The following COG5 variants were observed in gnomAD, a reference collection of about 807,000 sequenced individuals.
COG5 encodes the protein component of oligomeric golgi complex 5.
A neutral mutation model predicts 110.4 loss-of-function variants in COG5; 86 were observed. That is an observed-to-expected ratio of 0.78 (90% CI 0.65 to 0.93). The LOEUF is 0.93. Ranked by LOEUF, COG5 falls within the 40% of genes least tolerant of loss-of-function variation. COG5 has a pLI of 0.00. For missense variants in COG5, 1,077 were observed against 987.0 expected, an observed-to-expected ratio of 1.09 and a Z score of -1.22; for synonymous variants, 360 against 334.6, an observed-to-expected ratio of 1.08 and a Z score of -0.83.
chr7:107,417,804 A>G (rs1014024826), intron 6 of COG5, among the ~76,000 whole-genome samples: 22 of 152,100 alleles, frequency 1.4e-4, no homozygotes, highest in African/African-American at 5.1e-4. Context: ...TTTATTAACT[A>G]TATTTCCTCT....
At position 107,278,388 on chromosome 7, in the gene COG5, A is replaced by G. The variant is rs187442656; in HGVS notation, c.1575+2912T>C. ...CTGCACCCATCAACCTCTCATCTAC[A>G]TTAGGTATTTCTCCTAATGCTGTCC... On this transcript the variant is annotated intron_variant, in intron 14 of 21. Coordinates refer to ENST00000297135, the MANE Select transcript of COG5 (RefSeq NM_006348.5). Among the ~76,000 whole-genome samples, 827 of 152,222 alleles carry G rather than the reference A, an allele frequency of 5.4e-3. 10 individuals carry two copies. Among genetic ancestry groups the G allele is most frequent in the African/African-American group, 0.019 (804 of 41,528 alleles).
At chr7:107,373,392 G>A (rs1240188823) in intron 7 of COG5, among the ~76,000 whole-genome samples, 1 of 152,148 alleles carries the variant, frequency 6.6e-6, no homozygotes, top group Non-Finnish European at 1.5e-5. Context: ...AAAACGTGAA[G>A]TAGGGAATAA....
chr7:107,398,921 G>T (rs1275779562), intron 7 of COG5, among the ~76,000 whole-genome samples: 1 of 152,116 alleles, frequency 6.6e-6, no homozygotes, highest in Non-Finnish European at 1.5e-5. Context: ...CTAAAACTTG[G>T]CTGGGCAAGG....
intron 10 of COG5, among the ~76,000 whole-genome samples, chr7:107,358,073 C>T (rs1388886413): frequency 6.6e-6 from 1 of 151,730 alleles, no homozygotes; most frequent in Non-Finnish European, 1.5e-5. Context: ...GAAACTCTAC[C>T]CAATGTAATA....
At chr7:107,383,538 G>A (rs572245246) in intron 7 of COG5, among the ~76,000 whole-genome samples, 55 of 152,130 alleles carry the variant, frequency 3.6e-4, no homozygotes, top group Admixed American at 1.2e-3. Flanking sequence ...CTATTCTCTA[G>A]GCCCCCCTAC....
chr7:107,472,432 T>C (rs1160108188), intron 6 of COG5: 1 of 152,000 alleles, frequency 6.6e-6, no homozygotes, highest in Non-Finnish European at 1.5e-5. Context: ...CCCACCACAC[T>C]GTTTAACATT....
At chr7:107,295,081 ATATATATATATATATATATATTTTTT>A (rs1562955688) in intron 12 of COG5, among the ~76,000 whole-genome samples, 12 of 61,858 alleles carry the variant, frequency 1.9e-4, no homozygotes, top group South Asian at 1.3e-3. Context: ...ATATATATAT[ATATATATATATATATATATATTTTTT>A]TTTTTTTTTT....
intron 19 of COG5, among the ~76,000 whole-genome samples, chr7:107,223,358 C>G (rs768341787): frequency 1.1e-4 from 16 of 152,100 alleles, no homozygotes; most frequent in Non-Finnish European, 1.8e-4. Context: ...GCACGAGGGG[C>G]CATGTGGGTC....
intron 19 of COG5, among the ~76,000 whole-genome samples, chr7:107,214,296 AG>A (rs1799368962): frequency 6.6e-6 from 1 of 152,202 alleles, no homozygotes; most frequent in African/African-American, 2.4e-5. Context: ...TGGCTACTAG[AG>A]GATTCTCAGC....
intron 14 of COG5, among the ~76,000 whole-genome samples, chr7:107,273,989 T>C (rs550891294): frequency 6.6e-6 from 1 of 152,284 alleles, no homozygotes; most frequent in South Asian, 2.1e-4. Context: ...TTTATAGTAA[T>C]ATTAGCATTA....
intron 19 of COG5, among the ~76,000 whole-genome samples, chr7:107,229,832 T>C (rs1463416697): frequency 6.6e-6 from 1 of 151,684 alleles, no homozygotes; most frequent in Non-Finnish European, 1.5e-5. Context: ...CTTCTGTTTT[T>C]TTTTTGGTTT....
intron 5 of COG5, among the ~76,000 whole-genome samples, chr7:107,529,200 T>C (rs1204940986): frequency 2.6e-5 from 4 of 152,166 alleles, no homozygotes; most frequent in Non-Finnish European, 5.9e-5. Context: ...CGTATCTCTG[T>C]CCCAACTATG....
chr7:107,299,841 A>C (rs1424482689), intron 11 of COG5, among the ~76,000 whole-genome samples: 1 of 142,068 alleles, frequency 7.0e-6, no homozygotes, highest in African/African-American at 2.5e-5. Context: ...ATATATATAT[A>C]TATATATATA....
chr7:107,267,969 C>T lies in COG5; in HGVS notation c.1576-9586G>A, dbSNP rs1803937322. Among the ~76,000 whole-genome samples the T allele has an allele frequency of 3.9e-5, 6 of 152,160 alleles. No individual in the cohort carries two copies. The South Asian group carries it at 1.2e-3, about 32-fold the overall frequency. On this transcript the variant is annotated intron_variant, in intron 14 of 21. Coordinates refer to ENST00000297135, the MANE Select transcript of COG5 (RefSeq NM_006348.5). Reference sequence around the variant, plus strand: ...TTATTACTTTTCGTAGTAAGAAATTCTTTTTGTTGTTTTTTTGAGACGGAG... The same window carrying T: ...TTATTACTTTTCGTAGTAAGAAATTTTTTTTGTTGTTTTTTTGAGACGGAG...
At chr7:107,534,539 A>T (rs1376602131) in intron 5 of COG5, among the ~76,000 whole-genome samples, 4 of 151,390 alleles carry the variant, frequency 2.6e-5, no homozygotes, top group Non-Finnish European at 5.9e-5. Context: ...GACTGTTTAG[A>T]CTTTAAACCA....
At chr7:107,515,866 G>C (rs963300399) in intron 6 of COG5, among the ~76,000 whole-genome samples, 2 of 152,150 alleles carry the variant, frequency 1.3e-5, no homozygotes, top group South Asian at 4.1e-4. Context: ...TTCTAAGCCA[G>C]AAAGAGTAAG....
intron 12 of COG5, among the ~76,000 whole-genome samples, chr7:107,289,689 T>C (rs1190336567): frequency 6.6e-6 from 1 of 152,204 alleles, no homozygotes. Flanking sequence ...ATTTTACAGT[T>C]TTATGAGTAT....
At chr7:107,318,337 T>C (rs979772531) in intron 11 of COG5, among the ~76,000 whole-genome samples, 1 of 152,190 alleles carries the variant, frequency 6.6e-6, no homozygotes, top group Non-Finnish European at 1.5e-5. Context: ...CCAATGGCTT[T>C]TTTCTTTGTA....
chr7:107,418,614 T>A (rs983506873), intron 6 of COG5, among the ~76,000 whole-genome samples: 6 of 103,236 alleles, frequency 5.8e-5, no homozygotes, highest in African/African-American at 2.1e-4. Flanking sequence ...CATGGCTTGC[T>A]TTTTTTTTTT....
Sources: allele counts gnomAD v4.1 joint callset (sites outside exome capture counted in the v4.1 genomes callset), GRCh38; gene constraint gnomAD v4.1.1; transcripts MANE v1.5; gene names NCBI Gene and HGNC (gene_info 2026-07-23, HGNC 2026-07-21).